The following ADCYAP1R1 variants were observed in gnomAD, a reference collection of about 807,000 sequenced individuals.
The protein encoded by ADCYAP1R1 is pituitary adenylate cyclase-activating polypeptide type I receptor.
Under a neutral mutation model 67.6 loss-of-function variants are expected in ADCYAP1R1, and 44 were observed. That is an observed-to-expected ratio of 0.65 (90% CI 0.51 to 0.84). The LOEUF is 0.84. ADCYAP1R1 is among the 40% of genes least tolerant of loss of function. The pLI is 0.00. For missense variants in ADCYAP1R1, 477 were observed against 587.9 expected, an observed-to-expected ratio of 0.81 and a Z score of 1.95; for synonymous variants, 222 against 219.6, an observed-to-expected ratio of 1.01 and a Z score of -0.10.
chr7:31,056,529 T>C (rs1794251409), intron 1 of ADCYAP1R1, among the ~76,000 whole-genome samples: 1 of 151,988 alleles, frequency 6.6e-6, no homozygotes, highest in Non-Finnish European at 1.5e-5. Flanking sequence ...TCCTGCCACC[T>C]GTGGTGGGGG....
chr7:31,107,049 G>T lies in ADCYAP1R1; in HGVS notation c.*365G>T. 4.7e-6 allele frequency: 1 copy of T among 215,050 alleles called. No homozygotes were observed. Among genetic ancestry groups the T allele is most frequent in the Non-Finnish European group, 9.1e-6 (1 of 109,994 alleles). The allele number at this position is 215,050 out of a possible 1,614,324, so 13.3% of individuals were successfully genotyped here. A position where few individuals can be genotyped will look rare whatever the true frequency, so the allele number is the denominator to read the frequency against. ...GTGATGGCCTGACCCCAGCTGTGAG[G>T]CCTTGTGAGCTAAGGCTGAAGAGAC... On this transcript the variant is annotated 3_prime_UTR_variant, in exon 16 of 16. Coordinates refer to ENST00000304166, the MANE Select transcript of ADCYAP1R1 (RefSeq NM_001118.5).
intron 13 of ADCYAP1R1, chr7:31,095,809 A>G (rs1436824642): frequency 2.8e-6 from 2 of 707,490 alleles, no homozygotes; most frequent in Non-Finnish European, 5.3e-6. Context: ...CCAAGACGGT[A>G]TTCCTGGCCC....
At chr7:31,053,342 G>A (rs1283746603) in intron 1 of ADCYAP1R1, among the ~76,000 whole-genome samples, 2 of 152,378 alleles carry the variant, frequency 1.3e-5, no homozygotes, top group South Asian at 4.1e-4. Context: ...GCCCTGCGGG[G>A]TCTGTGGGGA....
chr7:31,095,360 A>G (rs946050376), intron 13 of ADCYAP1R1, among the ~76,000 whole-genome samples: 1 of 152,178 alleles, frequency 6.6e-6, no homozygotes, highest in Non-Finnish European at 1.5e-5. Context: ...ACAGATGAAA[A>G]GATAGCATTA....
At chr7:31,060,088 C>T (rs909500640) in intron 1 of ADCYAP1R1, among the ~76,000 whole-genome samples, 3 of 145,718 alleles carry the variant, frequency 2.1e-5, no homozygotes, top group Admixed American at 6.8e-5. Flanking sequence ...AGTAAGCAGC[C>T]TGGCGATGAA....
intron 3 of ADCYAP1R1, among the ~76,000 whole-genome samples, chr7:31,069,450 T>G (rs1794882927): frequency 6.6e-6 from 1 of 152,202 alleles, no homozygotes; most frequent in Non-Finnish European, 1.5e-5. Context: ...CCAATGCCTG[T>G]TGAGTGTAAA....
Position 31,084,669 on chromosome 7 carries a change from A to G in ADCYAP1R1, c.439-68A>G, listed in dbSNP as rs906799359. ...GGCCCTGGCCTGGGAGACTGGGTGC[A>G]GGCCTGAGGCAGCCTGGCTGTGGGC... is the stretch of plus-strand genomic sequence containing the variant. On this transcript the variant is annotated intron_variant, in intron 7 of 15. Transcript: ENST00000304166. The G allele has an allele frequency of 7.7e-4, 1,031 of 1,342,508 alleles. 7 individuals are homozygous for G. Among genetic ancestry groups the G allele is most frequent in the Non-Finnish European group, 1.1e-4 (105 of 932,890 alleles). 83.2% of individuals were successfully genotyped at this position (1,342,508 alleles called of 1,614,324 possible). A position where few individuals can be genotyped will look rare whatever the true frequency, so the allele number is the denominator to read the frequency against.
At chr7:31,076,644 T>C (rs576669272) in intron 3 of ADCYAP1R1, among the ~76,000 whole-genome samples, 129 of 152,320 alleles carry the variant, frequency 8.5e-4, no homozygotes, top group African/African-American at 3.0e-3. Context: ...TTCCGGGTCC[T>C]TTCACAATTC....
At position 31,103,345 on chromosome 7, in the gene ADCYAP1R1, G is replaced by A. The variant is rs748679972; in HGVS notation, c.1155G>A (p.Glu385=). Residue 385 remains glutamate (E), a synonymous_variant, in exon 14 of 16, where the codon GAG becomes GAA. Transcript: ENST00000304166. ...GCAAAAGGGAAAGACTCGTGTTTGA[G>A]CTGGGGCTGGGCTCCTTCCAGGTAG... ...NVSKRERLVF[E]LGLGSFQGFV... is the part of the protein sequence containing the mutation. 6.2e-7 allele frequency: 1 copy of A among 1,614,216 alleles called. No homozygotes were observed. The highest frequency in any genetic ancestry group is 1.1e-5 in the South Asian group (1 of 91,084).
At chr7:31,089,912 GT>G (rs1242018519) in intron 12 of ADCYAP1R1, among the ~76,000 whole-genome samples, 1 of 152,100 alleles carries the variant, frequency 6.6e-6, no homozygotes, top group Admixed American at 6.6e-5. Context: ...TTTGTTTAAA[GT>G]TTTTGGCATT....
chr7:31,082,037 T>G (rs1795536377), intron 6 of ADCYAP1R1, among the ~76,000 whole-genome samples: 2 of 152,260 alleles, frequency 1.3e-5, no homozygotes, highest in South Asian at 2.1e-4. Flanking sequence ...TGACTGTTTC[T>G]GAACTCCAGC....
At chr7:31,091,928 T>A (rs762949400) in intron 12 of ADCYAP1R1, among the ~76,000 whole-genome samples, 2 of 151,964 alleles carry the variant, frequency 1.3e-5, no homozygotes, top group Non-Finnish European at 2.9e-5. Context: ...TTTGTGGTAA[T>A]CTTTCCCTAG....
intron 13 of ADCYAP1R1, among the ~76,000 whole-genome samples, chr7:31,099,451 C>A (rs11982285): frequency 6.6e-6 from 1 of 152,146 alleles, no homozygotes; most frequent in Non-Finnish European, 1.5e-5. Context: ...ATTCAAATAG[C>A]CACATATGGG....
At chr7:31,092,085 C>T (rs1197799736) in intron 12 of ADCYAP1R1, among the ~76,000 whole-genome samples, 8 of 145,740 alleles carry the variant, frequency 5.5e-5, no homozygotes. Context: ...TGTCATTGTG[C>T]CTTGTTTCTA....
At chr7:31,053,184 T>C (rs747053536) in intron 1 of ADCYAP1R1, among the ~76,000 whole-genome samples, 18 of 150,916 alleles carry the variant, frequency 1.2e-4, no homozygotes, top group Middle Eastern at 3.4e-3. Flanking sequence ...AGCAATGTGC[T>C]AGGTGGGGGT....
At position 31,108,147 on chromosome 7, in the gene ADCYAP1R1, T is replaced by C. The variant is rs4403321; in HGVS notation, c.*1463T>C. The stretch of plus-strand genomic sequence containing the variant: ...GATGCTCTGGAATGCTTGGGGACTT[T>C]GGGTGGAGGAGGATGTTACTTCATT... On this transcript the variant is annotated 3_prime_UTR_variant, in exon 16 of 16. Transcript: ENST00000304166. 34,795 of 152,206 alleles carry C rather than the reference T, an allele frequency of 0.23. 4,947 individuals carry two copies. The highest frequency in any genetic ancestry group is 0.62 in the East Asian group (3,225 of 5,168). 9.4% of individuals were successfully genotyped at this position (152,206 alleles called of 1,614,324 possible).
intron 13 of ADCYAP1R1, among the ~76,000 whole-genome samples, chr7:31,101,300 C>T (rs1796425699): frequency 6.6e-6 from 1 of 152,172 alleles, no homozygotes; most frequent in African/African-American, 2.4e-5. Flanking sequence ...ACTCTGAATC[C>T]ATCCCATGTA....
intron 7 of ADCYAP1R1, among the ~76,000 whole-genome samples, chr7:31,084,513 C>T (rs963137949): frequency 3.9e-5 from 6 of 152,218 alleles, no homozygotes; most frequent in African/African-American, 1.2e-4. Flanking sequence ...TTGCCTTCAA[C>T]AGCATATATT....
chr7:31,096,606 C>T (rs1337810741), intron 13 of ADCYAP1R1, among the ~76,000 whole-genome samples: 1 of 152,208 alleles, frequency 6.6e-6, no homozygotes, highest in African/African-American at 2.4e-5. Flanking sequence ...GGTGCCCAGA[C>T]TTCTCAGCTG....
Sources: gnomAD v4.1 joint callset for allele counts (sites outside exome capture counted in the v4.1 genomes callset) on GRCh38, gnomAD v4.1.1 for gene constraint, MANE v1.5 for transcripts, NCBI Gene and HGNC (gene_info 2026-07-23, HGNC 2026-07-21) for gene names.